Variants in ENKUR observed in about 807,000 individuals in gnomAD.
The protein encoded by ENKUR is enkurin, TRPC channel interacting protein.
A neutral mutation model predicts 27.6 loss-of-function variants in ENKUR; 19 were observed. The ratio of observed to expected loss-of-function variants is 0.69; its 90% CI spans 0.48 to 1.01. ENKUR has a LOEUF of 1.01. ENKUR is among the 50% of genes least tolerant of loss of function. ENKUR has a pLI of 0.00. For missense variants in ENKUR, 312 were observed against 310.5 expected (o/e 1.00, Z -0.04); for synonymous variants, 117 against 96.9 (o/e 1.21, Z -1.22).
rs757314440 is a variant in ENKUR, at chr10:24,996,456, G to GTGTA, written c.224-588_224-587insTACA. 6.9e-3 allele frequency among the ~76,000 whole-genome samples: 1,030 copies of GTGTA among 149,774 alleles called. 4 individuals are homozygous for GTGTA. The highest frequency in any genetic ancestry group is 0.011 in the Non-Finnish European group (712 of 67,424). On this transcript the variant is annotated intron_variant, in intron 2 of 5. Coordinates refer to ENST00000331161, the MANE Select transcript of ENKUR (RefSeq NM_145010.4). The stretch of plus-strand genomic sequence containing the variant: ...CATATATGTGTGTGTGTGTGTGTGT[G>GTGTA]TATATATATATATATGAACAGTATA...
chr10:25,028,936 TTA>T (rs1850902428), intron 2 of ENKUR, among the ~76,000 whole-genome samples: 1 of 152,222 alleles, frequency 6.6e-6, no homozygotes, highest in Non-Finnish European at 1.5e-5. Context: ...GAGTCATACT[TTA>T]TGTGTTATCC....
At chr10:24,987,592 A>G (rs1244761899) in intron 4 of ENKUR, among the ~76,000 whole-genome samples, 2 of 152,186 alleles carry the variant, frequency 1.3e-5, no homozygotes, top group African/African-American at 4.8e-5. Flanking sequence ...GTCTCAAATA[A>G]ATACATAAAA....
chr10:25,030,946 C>T (rs1382311148), intron 2 of ENKUR, among the ~76,000 whole-genome samples: 4 of 152,030 alleles, frequency 2.6e-5, no homozygotes, highest in South Asian at 2.1e-4. Context: ...GGTGAAACCC[C>T]GTCTCTACTA....
At chr10:25,016,416 G>C (rs1183461609), upstream of ENKUR, among the ~76,000 whole-genome samples, 1 of 152,228 alleles carries the variant, frequency 6.6e-6, no homozygotes, top group South Asian at 2.1e-4. Context: ...GTGCGCAGGC[G>C]TCACCCAATA....
intron 1 of ENKUR, among the ~76,000 whole-genome samples, chr10:25,011,270 T>C (rs1850438469): frequency 6.6e-6 from 1 of 152,216 alleles, no homozygotes; most frequent in Non-Finnish European, 1.5e-5. Context: ...TTCATGTCCT[T>C]TGCCCACTTT....
At position 25,016,049 on chromosome 10, in the gene ENKUR, G is replaced by T; in HGVS notation, c.-113C>A. On this transcript the variant is annotated 5_prime_UTR_variant, in exon 1 of 6. Coordinates refer to ENST00000331161, the MANE Select transcript of ENKUR (RefSeq NM_145010.4). ...TTTCTTTCTTCTTCGCCTTCTGAAGGACCACAGGTTCTCTCCTTCACATCG... is the reference window on the plus strand; with the variant it reads ...TTTCTTTCTTCTTCGCCTTCTGAAGTACCACAGGTTCTCTCCTTCACATCG... The T allele has an allele frequency of 6.9e-7, 1 of 1,457,244 alleles. No individual in the cohort carries two copies. Among genetic ancestry groups the T allele is most frequent in the Non-Finnish European group, 9.1e-7 (1 of 1,100,056 alleles). 90.3% of individuals were successfully genotyped at this position (1,457,244 alleles called of 1,614,324 possible). A position where few individuals can be genotyped will look rare whatever the true frequency, so the allele number is the denominator to read the frequency against.
chr10:25,022,670 T>C (rs974762142), intron 2 of ENKUR, among the ~76,000 whole-genome samples: 2 of 152,202 alleles, frequency 1.3e-5, no homozygotes, highest in Admixed American at 1.3e-4. Flanking sequence ...ATGAGTAATA[T>C]AGTCTGTCAC....
intron 2 of ENKUR, among the ~76,000 whole-genome samples, chr10:25,047,828 A>G (rs1450286550): frequency 6.6e-6 from 1 of 152,234 alleles, no homozygotes; most frequent in East Asian, 1.9e-4. Flanking sequence ...TGGTCTTGGC[A>G]GTTTTCCTAA....
intron 2 of ENKUR, among the ~76,000 whole-genome samples, chr10:25,054,258 T>TA (rs113598803): frequency 0.068 from 10,392 of 152,116 alleles, 386 homozygotes; most frequent in African/African-American, 0.098. Context: ...CCATCTCTAC[T>TA]AAAAATACAA....
chr10:24,999,066 T>A (rs1380896721), intron 2 of ENKUR, among the ~76,000 whole-genome samples: 1 of 152,198 alleles, frequency 6.6e-6, no homozygotes, highest in African/African-American at 2.4e-5. Flanking sequence ...TGGGCAATCT[T>A]GCCCATTAGT....
chr10:24,984,881 C>A lies in ENKUR; in HGVS notation c.619G>T (p.Val207Leu). ...GAGAGGGACTGGAATTCTTTATGCA[C>A]CTCTTCCCAGTTCTTTTTCAGCCCC... ...LQGLKKNWEE[V>L]HKEFQSLSVF... is the part of the protein sequence containing the mutation. The change falls in exon 5 of 6, where the codon GTG becomes TTG. Residue 207 changes from valine to leucine, a missense_variant. Val to Leu is a conservative substitution (Grantham distance 32). Transcript: ENST00000331161. 1 of 1,612,834 alleles carries A rather than the reference C, an allele frequency of 6.2e-7. No homozygotes were observed. Among genetic ancestry groups the A allele is most frequent in the South Asian group, 1.1e-5 (1 of 90,630 alleles).
In ENKUR at chr10:24,984,048, G is replaced by A. The variant is rs1054457622; in HGVS notation, c.*322C>T. ...AGTTGTGGAATAAAATAAGAGTATC[G>A]AGGTTGGTATGCTAGAAAGGAGGCT... is the stretch of plus-strand genomic sequence containing the variant. On this transcript the variant is annotated 3_prime_UTR_variant, in exon 6 of 6. Coordinates refer to ENST00000331161, the MANE Select transcript of ENKUR (RefSeq NM_145010.4). 26 of 277,598 alleles carry A rather than the reference G, an allele frequency of 9.4e-5. No homozygotes were observed. The highest frequency in any genetic ancestry group is 4.8e-4 in the African/African-American group (22 of 45,778). The allele number at this position is 277,598 out of a possible 1,614,324, so 17.2% of individuals were successfully genotyped here.
chr10:24,987,155 G>GCTGCACTA (rs766783311), intron 4 of ENKUR, among the ~76,000 whole-genome samples: 83 of 152,276 alleles, frequency 5.5e-4, no homozygotes, highest in Admixed American at 7.2e-4. Flanking sequence ...ATGGGTTCTA[G>GCTGCACTA]CTGCATTCAT....
At chr10:25,061,639 G>T (rs1018538545) in intron 1 of ENKUR, among the ~76,000 whole-genome samples, 2 of 152,170 alleles carry the variant, frequency 1.3e-5, no homozygotes, top group African/African-American at 4.8e-5. Flanking sequence ...AAATCAACAT[G>T]TTTCTCTTCA....
At chr10:25,024,034 G>C in intron 2 of ENKUR, 3 of 1,614,198 alleles carry the variant, frequency 1.9e-6, no homozygotes, top group East Asian at 2.2e-5. Flanking sequence ...TCCTGCAAAG[G>C]AGTTTCCAAA....
chr10:25,006,054 G>A (rs2132709306), intron 1 of ENKUR, among the ~76,000 whole-genome samples: 1 of 152,206 alleles, frequency 6.6e-6, no homozygotes, highest in East Asian at 1.9e-4. Context: ...CTTTTTAAAA[G>A]TGATTAGAAA....
chr10:24,982,036 C>T lies in ENKUR; in HGVS notation c.*2334G>A, dbSNP rs911284173. 3.9e-5 allele frequency: 6 copies of T among 152,222 alleles called. No individual in the cohort carries two copies. The highest frequency in any genetic ancestry group is 1.4e-4 in the African/African-American group (6 of 41,448). 9.4% of individuals were successfully genotyped at this position (152,222 alleles called of 1,614,324 possible). A position where few individuals can be genotyped will look rare whatever the true frequency, so the allele number is the denominator to read the frequency against. Reference sequence around the variant, plus strand: ...ATTAAGGATTTTTTGAGTACCTTCTCTATACCAGCTGTTATGCAGATTCTA... The same window carrying T: ...ATTAAGGATTTTTTGAGTACCTTCTTTATACCAGCTGTTATGCAGATTCTA... On this transcript the variant is annotated 3_prime_UTR_variant, in exon 6 of 6. Coordinates refer to ENST00000331161, the MANE Select transcript of ENKUR (RefSeq NM_145010.4).
At chr10:24,987,727 A>G (rs563236167) in intron 4 of ENKUR, among the ~76,000 whole-genome samples, 62 of 152,292 alleles carry the variant, frequency 4.1e-4, no homozygotes, top group Admixed American at 6.5e-4. Flanking sequence ...AGTGGGGGAA[A>G]CACCAGCCTG....
chr10:25,042,415 C>T (rs1379531368), intron 2 of ENKUR, among the ~76,000 whole-genome samples: 1 of 152,000 alleles, frequency 6.6e-6, no homozygotes, highest in Non-Finnish European at 1.5e-5. Context: ...CTGCCTCAGC[C>T]TCCCGAGTAG....
Sources: gnomAD v4.1 joint callset for allele counts (sites outside exome capture counted in the v4.1 genomes callset) on GRCh38, gnomAD v4.1.1 for gene constraint, MANE v1.5 for transcripts, NCBI Gene and HGNC (gene_info 2026-07-23, HGNC 2026-07-21) for gene names.